Variants in CRB2 observed in about 807,000 individuals in gnomAD.
The protein encoded by CRB2 is crumbs cell polarity complex component 2.
CRB2 carries 85 observed loss-of-function variants against 110.9 expected under a neutral mutation model. The observed-to-expected ratio is 0.77, with a 90% CI of 0.64 to 0.92. CRB2 has a LOEUF of 0.92. CRB2 is among the 40% of genes least tolerant of loss of function. CRB2 has a pLI of 0.00. For synonymous variants in CRB2, 907 were observed against 831.0 expected (o/e 1.09, Z -1.57); for missense variants, 1,843 against 1,851.3 (o/e 1.00, Z 0.08).
At chr9:123,375,102 A>G in intron 11 of CRB2, 115 bp from the exon 12 acceptor site, 1 of 1,483,226 alleles carries the variant, frequency 6.7e-7, no homozygotes, top group Non-Finnish European at 9.2e-7. Flanking sequence ...GCGCATGGGG[A>G]CAGTGGATGG....
intron 1 of CRB2, among the ~76,000 whole-genome samples, chr9:123,357,574 G>A (rs1239420123): frequency 6.6e-6 from 1 of 152,030 alleles, no homozygotes; most frequent in Non-Finnish European, 1.5e-5. Flanking sequence ...GGACTTATGA[G>A]CTGGGCTCTG....
In CRB2 at chr9:123,370,413, C is replaced by A; in HGVS notation, c.1360C>A (p.Pro454Thr). 1.2e-6 allele frequency: 2 copies of A among 1,613,616 alleles called. No homozygotes were observed. Among genetic ancestry groups the A allele is most frequent in the South Asian group, 1.1e-5 (1 of 91,090 alleles). ...MAGSPIQASVPAGGPLGLALR... is the reference protein window; with the variant it reads ...MAGSPIQASVTAGGPLGLALR... ...TGGGAGCCCCATTCAGGCATCAGTGCCAGCTGGTGGCCCCCTGGGTCTGGC... is the reference window on the plus strand; with the variant it reads ...TGGGAGCCCCATTCAGGCATCAGTGACAGCTGGTGGCCCCCTGGGTCTGGC... The change falls in exon 7 of 13, where the codon CCA (proline) becomes ACA (threonine). Residue 454 changes from proline to threonine, a missense_variant. By Grantham distance (38) the Pro-to-Thr change is conservative (BLOSUM62 -1). Transcript: ENST00000373631.
chr9:123,365,999 C>A lies in CRB2; in HGVS notation c.501C>A (p.Ser167=). The part of the protein sequence containing the change: ...HGGSCLDGVG[S]FRCVCAPGYG... The stretch of plus-strand genomic sequence containing the variant: ...GCTCGTGCCTGGACGGCGTGGGCTC[C>A]TTCCGCTGTGTGTGCGCGCCAGGCT... The change falls in exon 3 of 13, where the codon TCC becomes TCA. Residue 167 remains serine (S), a synonymous_variant. Transcript: ENST00000373631. 6.3e-7 allele frequency: 1 copy of A among 1,596,764 alleles called. No individual in the cohort carries two copies.
intron 6 of CRB2, 107 bp from the exon 7 acceptor site, chr9:123,370,001 G>A (rs1158935443): frequency 3.0e-6 from 4 of 1,321,672 alleles, no homozygotes; most frequent in Non-Finnish European, 4.1e-6. Flanking sequence ...GAATTGGTTT[G>A]GCTGATAGGT....
chr9:123,367,667 C>T lies in CRB2; in HGVS notation c.1035C>T (p.His345=), dbSNP rs1272881151. The T allele has an allele frequency of 3.8e-6, 6 of 1,563,236 alleles. No homozygotes were observed. The highest frequency in any genetic ancestry group is 2.4e-5 in the South Asian group (2 of 84,776). Residue 345 remains histidine (H), a synonymous_variant, in exon 6 of 13, where the codon CAC becomes CAT. Coordinates refer to ENST00000373631, the MANE Select transcript of CRB2 (RefSeq NM_173689.7). The part of the protein sequence containing the change: ...CQDLPNGFQC[H]CPDGYAGPTC... The stretch of plus-strand genomic sequence containing the variant: ...ACCTGCCCAATGGCTTCCAGTGTCA[C>T]TGCCCAGATGGCTACGCAGGTGTCT...
intron 6 of CRB2, 142 bp downstream of exon 6, chr9:123,367,828 G>A (rs2041960074): frequency 1.6e-6 from 1 of 641,164 alleles, no homozygotes; most frequent in Non-Finnish European, 2.8e-6. Context: ...GACCGCTGAG[G>A]GTGGCTGAAC....
chr9:123,357,674 C>A (rs527878642), intron 1 of CRB2, among the ~76,000 whole-genome samples: 1 of 152,132 alleles, frequency 6.6e-6, no homozygotes, highest in Non-Finnish European at 1.5e-5. Flanking sequence ...ATACAAAGCA[C>A]GTGAGATCCC....
chr9:123,362,689 G>T (rs2041881620), intron 1 of CRB2, among the ~76,000 whole-genome samples, 176 bp from the exon 2 acceptor site: 3 of 152,090 alleles, frequency 2.0e-5, no homozygotes, highest in African/African-American at 7.2e-5. Context: ...CCAGTTCTGG[G>T]TGCAGATGTG....
Position 123,362,908 on chromosome 9 carries a change from G to A in CRB2, c.138G>A (p.Pro46=), listed in dbSNP as rs758099882. Residue 46 remains proline (P), a synonymous_variant, in exon 2 of 13, where the codon CCG becomes CCA. Transcript: ENST00000373631. ...CCCCCAGTGCCTGTGCCTCAGACCCGTGCGCTCCAGGGACCGAGTGCCAGG... is the reference window on the plus strand; with the variant it reads ...CCCCCAGTGCCTGTGCCTCAGACCCATGCGCTCCAGGGACCGAGTGCCAGG... The part of the protein sequence containing the change: ...SEPPSACASD[P]CAPGTECQAT... 7 of 1,597,610 alleles carry A rather than the reference G, an allele frequency of 4.4e-6. No individual in the cohort carries two copies. Among genetic ancestry groups the A allele is most frequent in the South Asian group, 3.3e-5 (3 of 90,750 alleles).
chr9:123,367,052 C>A, intron 4 of CRB2, 120 bp from the exon 5 acceptor site: 1 of 1,033,592 alleles, frequency 9.7e-7, no homozygotes, highest in Non-Finnish European at 1.4e-6. Context: ...GTCCCTCCCT[C>A]GCCATTCGTG....
At position 123,361,140 on chromosome 9, in the gene CRB2, G is replaced by T. The variant is rs140535484; in HGVS notation, c.95-1725G>T. Among the ~76,000 whole-genome samples, 37 of 76,558 alleles carry T rather than the reference G, an allele frequency of 4.8e-4. 3 individuals are homozygous for T. Among genetic ancestry groups the T allele is most frequent in the African/African-American group, 1.2e-3 (35 of 28,366 alleles). 50.2% of individuals were successfully genotyped at this position (76,558 alleles called of 152,430 possible). A position where few individuals can be genotyped will look rare whatever the true frequency, so the allele number is the denominator to read the frequency against. On this transcript the variant is annotated intron_variant, in intron 1 of 12. Coordinates refer to ENST00000373631, the MANE Select transcript of CRB2 (RefSeq NM_173689.7). ...GCTTCAGATTGGATGGGCGGGGAGGGGGGGGGGTTCCTTGCACTGCACAGG... is the reference window on the plus strand; with the variant it reads ...GCTTCAGATTGGATGGGCGGGGAGGTGGGGGGGTTCCTTGCACTGCACAGG...
chr9:123,371,180 G>T lies in CRB2; in HGVS notation c.2038G>T (p.Glu680Ter), dbSNP rs1215920605. ...AGTGTCTTTCCTTCTCCGCACTCGG[G>T]AGTCCGCTGGCCTGTTGCTCCAGTT... ...LTVSFLLRTR[E>*]SAGLLLQFAN... is the part of the protein sequence containing the mutation. The change falls in exon 8 of 13, where the codon GAG becomes TAG. Residue 680 changes from glutamate to a stop codon, truncating the protein, a stop_gained. Transcript: ENST00000373631. LOFTEE classifies it high-confidence loss of function. 2 of 1,613,822 alleles carry T rather than the reference G, an allele frequency of 1.2e-6. No homozygotes were observed. The highest frequency in any genetic ancestry group is 1.7e-5 in the Admixed American group (1 of 60,032).
chr9:123,363,067 T>C lies in CRB2; in HGVS notation c.297T>C (p.Gly99=), dbSNP rs1224756514. The C allele has an allele frequency of 6.2e-7, 1 of 1,611,540 alleles. No individual in the cohort carries two copies. Among genetic ancestry groups the C allele is most frequent in the African/African-American group, 1.3e-5 (1 of 74,908 alleles). ...PTGFRCYCVP[G]FQGPRCELDI... Reference sequence around the variant, plus strand: ...GCTTCCGCTGCTACTGCGTGCCGGGTTTCCAGGGCCCACGCTGCGAGCTGG... The same window carrying C: ...GCTTCCGCTGCTACTGCGTGCCGGGCTTCCAGGGCCCACGCTGCGAGCTGG... The change falls in exon 2 of 13, where the codon GGT becomes GGC. Residue 99 remains glycine (G), a synonymous_variant. Transcript: ENST00000373631.
At chr9:123,356,187 C>G, upstream of CRB2, 1 of 1,038,992 alleles carries the variant, frequency 9.6e-7, no homozygotes, top group South Asian at 1.9e-5. Flanking sequence ...GTTGGAGGGA[C>G]GAGGGGGGTG....
chr9:123,377,090 TG>T lies in CRB2; in HGVS notation c.*30del, dbSNP rs770560420. ...CAGCCTGGCTGCTGGCACCAGCACC[TG>T]GAGGTCCTGAATGGTTTCTACCTGG... On this transcript the variant is annotated 3_prime_UTR_variant, in exon 13 of 13. Transcript: ENST00000373631. The T allele has an allele frequency of 3.5e-5, 53 of 1,502,102 alleles. No individual in the cohort carries two copies. The highest frequency in any genetic ancestry group is 4.4e-5 in the Non-Finnish European group (49 of 1,121,726). 93.0% of individuals were successfully genotyped at this position (1,502,102 alleles called of 1,614,324 possible).
At position 123,373,905 on chromosome 9, in the gene CRB2, G is replaced by A. The variant is rs1422138100; in HGVS notation, c.3374G>A (p.Gly1125Glu). The change falls in exon 10 of 13, where the codon GGG (glycine) becomes GAG (glutamate). Residue 1125 changes from glycine (G) to glutamate (E), a missense_variant. Coordinates refer to ENST00000373631, the MANE Select transcript of CRB2 (RefSeq NM_173689.7). ...GAGTGCCGCTGCCCGCCTGGCTTCG[G>A]GGGCCCGCGCTGCAGGTGGGATGGC... is the stretch of plus-strand genomic sequence containing the variant. ...RFECRCPPGF[G>E]GPRCRLPVPS... 1 of 1,549,052 alleles carries A rather than the reference G, an allele frequency of 6.5e-7. No homozygotes were observed. The highest frequency in any genetic ancestry group is 8.7e-7 in the Non-Finnish European group (1 of 1,148,100).
Position 123,365,970 on chromosome 9 carries a change from G to C in CRB2, c.472G>C (p.Gly158Arg), listed in dbSNP as rs746741771. 1.3e-6 allele frequency: 2 copies of C among 1,597,574 alleles called. No homozygotes were observed. Among genetic ancestry groups the C allele is most frequent in the Non-Finnish European group, 1.7e-6 (2 of 1,179,106 alleles). ...DECASAPCLH[G>R]GSCLDGVGSF... ...GTGCGCCTCAGCGCCCTGCCTGCAC[G>C]GGGGCTCGTGCCTGGACGGCGTGGG... Residue 158 changes from glycine (G) to arginine (R), a missense_variant, in exon 3 of 13, where the codon GGG becomes CGG. Gly to Arg is a moderately radical substitution (Grantham distance 125, BLOSUM62 -2). Transcript: ENST00000373631.
intron 1 of CRB2, among the ~76,000 whole-genome samples, chr9:123,358,289 C>T (rs531704789): frequency 1.7e-4 from 26 of 152,316 alleles, no homozygotes; most frequent in African/African-American, 4.6e-4. Flanking sequence ...CACAAAGGCC[C>T]GGCTGGTTGC....
At chr9:123,371,611 TGGGGA>T (rs747595584) in intron 8 of CRB2, 33 bp downstream of exon 8, 112 of 1,607,264 alleles carry the variant, frequency 7.0e-5, no homozygotes, top group Admixed American at 4.2e-4. Context: ...GGTGGTGGGG[TGGGGA>T]GTCCTTTTCC....
Sources: allele counts gnomAD v4.1 joint callset (sites outside exome capture counted in the v4.1 genomes callset), GRCh38; gene constraint gnomAD v4.1.1; transcripts MANE v1.5; gene names NCBI Gene and HGNC (gene_info 2026-07-23, HGNC 2026-07-21).